Variants in SPRY3 observed in about 807,000 individuals in gnomAD.
The protein encoded by SPRY3 is sprouty RTK signaling antagonist 3.
Under a neutral mutation model 20.2 loss-of-function variants are expected in SPRY3, and 15 were observed. That is an observed-to-expected ratio of 0.74 (90% CI 0.50 to 1.14). The LOEUF is 1.14. Ranked by LOEUF, SPRY3 falls within the 50% of genes most tolerant of loss-of-function variation. The pLI is 0.00. For synonymous variants in SPRY3, 143 were observed against 136.5 expected (o/e 1.05, Z -0.33); for missense variants, 364 against 363.9 (o/e 1.00, Z 0.00).
At chrX:155,778,766 C>G (rs1476563630), downstream of SPRY3, 1 of 166,946 alleles carries the variant, frequency 6.0e-6, no homozygotes, top group African/African-American at 2.4e-5. Context: ...CATTTTATAG[C>G]TGGAGAAAGG....
intron 2 of SPRY3, among the ~76,000 whole-genome samples, chrX:155,723,539 A>C (rs1183670060): frequency 6.6e-6 from 1 of 152,118 alleles, no homozygotes; most frequent in African/African-American, 2.4e-5. Flanking sequence ...ACCAGTGATG[A>C]TGAGCATTTT....
At chrX:155,698,166 A>G (rs1448260929) in intron 2 of SPRY3, among the ~76,000 whole-genome samples, 1 of 111,469 alleles carries the variant, frequency 9.0e-6, no homozygotes, top group African/African-American at 3.3e-5. Context: ...GATGAGTAGT[A>G]CCACTCATAT....
intron 2 of SPRY3, among the ~76,000 whole-genome samples, chrX:155,671,293 ATC>A (rs782580977): frequency 6.4e-5 from 7 of 109,121 alleles, no homozygotes; most frequent in Non-Finnish European, 3.8e-5. Context: ...CATTTTTTTA[ATC>A]TCTCTCTCTC....
intron 2 of SPRY3, among the ~76,000 whole-genome samples, chrX:155,703,691 C>A (rs2090927753): frequency 6.8e-6 from 1 of 147,422 alleles, no homozygotes; most frequent in Non-Finnish European, 1.5e-5. Flanking sequence ...TTTTCTAGTT[C>A]TTTTAATTGT....
At chrX:155,727,804 A>G (rs1042274341) in intron 2 of SPRY3, among the ~76,000 whole-genome samples, 5 of 152,010 alleles carry the variant, frequency 3.3e-5, no homozygotes, top group African/African-American at 1.2e-4. Flanking sequence ...ACTTCTGTCA[A>G]CTCGTCAAAG....
chrX:155,679,075 A>G (rs978531698), intron 2 of SPRY3, among the ~76,000 whole-genome samples: 2 of 111,156 alleles, frequency 1.8e-5, no homozygotes, highest in Admixed American at 9.6e-5. Context: ...GAAGGATAGC[A>G]TTAGGAGAAA....
chrX:155,665,198 C>T (rs1257006343), intron 2 of SPRY3, among the ~76,000 whole-genome samples: 1 of 110,059 alleles, frequency 9.1e-6, no homozygotes, highest in East Asian at 2.8e-4. Flanking sequence ...TAATATTCAC[C>T]GGATTGGCAA....
At chrX:155,724,686 C>T (rs306920) in intron 2 of SPRY3, among the ~76,000 whole-genome samples, 56,560 of 151,898 alleles carry the variant, frequency 0.37, 7,602 homozygotes, top group South Asian at 0.51. Flanking sequence ...GAGACTTTGC[C>T]GAAGTTGCTT....
At chrX:155,749,302 T>C (rs891123456) in intron 2 of SPRY3, among the ~76,000 whole-genome samples, 1 of 151,790 alleles carries the variant, frequency 6.6e-6, no homozygotes, top group African/African-American at 2.4e-5. Context: ...GAGCTTATAT[T>C]CCAGTCAGAG....
At chrX:155,744,055 G>A (rs1182044221) in intron 2 of SPRY3, among the ~76,000 whole-genome samples, 5 of 152,044 alleles carry the variant, frequency 3.3e-5, no homozygotes, top group African/African-American at 1.2e-4. Flanking sequence ...TTGGCTGGAG[G>A]GGGTACAGAA....
At chrX:155,721,305 A>C (rs1275727840) in intron 2 of SPRY3, among the ~76,000 whole-genome samples, 2 of 152,184 alleles carry the variant, frequency 1.3e-5, no homozygotes, top group East Asian at 3.8e-4. Flanking sequence ...AGGATCTAGA[A>C]AATAGCCTGA....
chrX:155,683,503 CT>C (rs2068079425), intron 2 of SPRY3, among the ~76,000 whole-genome samples: 1 of 111,948 alleles, frequency 8.9e-6, no homozygotes, highest in Non-Finnish European at 1.9e-5. Flanking sequence ...ATGTACATTA[CT>C]TTTTAGACGT....
intron 1 of SPRY3, among the ~76,000 whole-genome samples, chrX:155,648,278 C>T (rs782006174): frequency 3.6e-4 from 40 of 112,274 alleles, no homozygotes; most frequent in African/African-American, 1.0e-3. Context: ...TAGTTTCTTT[C>T]GCTATGCAGA....
rs781961182 is a variant in SPRY3 at position 155,619,646 on chromosome X, C to G, written c.-441+6999C>G. 1.8e-3 allele frequency among the ~76,000 whole-genome samples: 200 copies of G among 110,272 alleles called. 1 individual carries two copies. Among genetic ancestry groups the G allele is most frequent in the African/African-American group, 6.2e-3 (190 of 30,526 alleles). On this transcript the variant is annotated intron_variant, in intron 1 of 3. Coordinates refer to ENST00000675360, the Ensembl canonical transcript of SPRY3. ...GATCTTGTGTTAGGCAATTGTTTCTCAAAATAGAAAAAAAATCATTAACCA... is the reference window on the plus strand; with the variant it reads ...GATCTTGTGTTAGGCAATTGTTTCTGAAAATAGAAAAAAAATCATTAACCA...
intron 2 of SPRY3, among the ~76,000 whole-genome samples, chrX:155,747,189 G>A (rs2091231722): frequency 6.6e-6 from 1 of 151,864 alleles, no homozygotes; most frequent in Admixed American, 6.6e-5. Context: ...ATTCTGCTTT[G>A]GAAGGGGCCC....
intron 2 of SPRY3, among the ~76,000 whole-genome samples, chrX:155,744,983 C>G (rs2091219286): frequency 6.6e-6 from 1 of 152,022 alleles, no homozygotes; most frequent in Non-Finnish European, 1.5e-5. Flanking sequence ...TGCAAAGCCT[C>G]TTTACTAACT....
intron 2 of SPRY3, among the ~76,000 whole-genome samples, chrX:155,745,920 G>C (rs1007852249): frequency 1.3e-5 from 2 of 151,942 alleles, no homozygotes; most frequent in African/African-American, 2.4e-5. Context: ...AGAAGGGTGG[G>C]ACCAGGAATA....
chrX:155,779,361 G>C (rs1012510427), downstream of SPRY3: 2 of 166,992 alleles, frequency 1.2e-5, no homozygotes, highest in African/African-American at 4.8e-5. Flanking sequence ...TTCGAAGTAA[G>C]TTAGAGATAA....
chrX:155,750,308 AAACT>A (rs1334702279), intron 2 of SPRY3, among the ~76,000 whole-genome samples: 1 of 151,940 alleles, frequency 6.6e-6, no homozygotes, highest in East Asian at 1.9e-4. Flanking sequence ...AAGGGTTGAA[AAACT>A]AACTGTTGGG....
Sources: gnomAD v4.1 joint callset for allele counts (sites outside exome capture counted in the v4.1 genomes callset) on GRCh38, gnomAD v4.1.1 for gene constraint, MANE v1.5 for transcripts, NCBI Gene and HGNC (gene_info 2026-07-23, HGNC 2026-07-21) for gene names.